The following NDRG1 variants were observed in gnomAD, a reference collection of about 807,000 sequenced individuals.
NDRG1 encodes the protein protein NDRG1.
In NDRG1, 32 loss-of-function variants were observed where a neutral mutation model predicts 56.9. That is an observed-to-expected ratio of 0.56 (90% confidence interval 0.42 to 0.76). The LOEUF (loss-of-function observed/expected upper bound fraction) is 0.76, where lower values mean the gene tolerates loss of function less well. Among genes scored for constraint, NDRG1 ranks in the 30% least tolerant of loss-of-function variants. The pLI, the probability that NDRG1 is intolerant of heterozygous loss-of-function variation, is 0.00. For synonymous variants in NDRG1, 211 were observed against 204.1 expected (o/e 1.03, Z -0.29); for missense variants, 507 against 545.7 (o/e 0.93, Z 0.71).
Position 133,244,393 on chromosome 8 carries a change from A to G in NDRG1, c.856-3T>C. On this transcript the variant is annotated splice_region_variant and splice_polypyrimidine_tract_variant and intron_variant, in intron 13 of 15. Coordinates refer to ENST00000323851, the MANE Select transcript of NDRG1 (RefSeq NM_006096.4). ...GGGAGGCCGCCACAGTCCGCCATCT[A>G]GGAGAGAGGGAAGCTCGTTAGTGCC... is the stretch of plus-strand genomic sequence containing the variant. 1 of 1,614,236 alleles carries G rather than the reference A, an allele frequency of 6.2e-7. No homozygotes were observed.
chr8:133,259,939 G>A (rs1036797959), intron 5 of NDRG1, among the ~76,000 whole-genome samples: 2 of 152,216 alleles, frequency 1.3e-5, no homozygotes, highest in African/African-American at 4.8e-5. Flanking sequence ...TGAGTAAAGC[G>A]TGTGGGCAGG....
intron 2 of NDRG1, among the ~76,000 whole-genome samples, chr8:133,283,283 T>C (rs1209450236): frequency 6.6e-6 from 1 of 152,246 alleles, no homozygotes; most frequent in Admixed American, 6.5e-5. Flanking sequence ...GGTTAGTGCA[T>C]GGTAATTATC....
At chr8:133,294,374 G>C (rs1000541144) in intron 1 of NDRG1, among the ~76,000 whole-genome samples, 3 of 152,200 alleles carry the variant, frequency 2.0e-5, no homozygotes, top group Non-Finnish European at 4.4e-5. Context: ...TGGCTGCTCT[G>C]GAGGGAGAGA....
rs747037312 is a variant in NDRG1 at position 133,250,466 on chromosome 8, C to G, written c.672G>C (p.Leu224=). ...TGTTGTAGGCATTGATGAACAGGTG[C>G]AGGTTGCCGGGGTTCATGTCATTCA... ...HIVNDMNPGN[L]HLFINAYNSR... The change falls in exon 10 of 16, where the codon CTG becomes CTC. Residue 224 remains leucine, a synonymous_variant. Transcript: ENST00000323851. 6.2e-7 allele frequency: 1 copy of G among 1,614,070 alleles called. No individual in the cohort carries two copies. The highest frequency in any genetic ancestry group is 8.5e-7 in the Non-Finnish European group (1 of 1,179,988).
intron 1 of NDRG1, among the ~76,000 whole-genome samples, chr8:133,285,967 C>A (rs190612349): frequency 2.0e-5 from 3 of 152,148 alleles, no homozygotes; most frequent in Non-Finnish European, 4.4e-5. Flanking sequence ...GCCCTGCCAA[C>A]GCCACCCCTC....
rs145871479 is a variant in NDRG1, at chr8:133,284,281, C to T, written c.31G>A (p.Ala11Thr). ...TTCTCCACCAAAGGCTTCACCTCAG[C>T]GAGGTCTACATCCTGCATCTCCCGA... MSREMQDVDL[A>T]EVKPLVEKGE... Residue 11 changes from alanine (A) to threonine (T), a missense_variant, in exon 2 of 16, where the codon GCT (alanine) becomes ACT (threonine). By Grantham distance (58) the Ala-to-Thr change is moderately conservative. Transcript: ENST00000323851. 3,006 of 1,614,144 alleles carry T rather than the reference C, an allele frequency of 1.9e-3. 4 individuals are homozygous for T. Among genetic ancestry groups the T allele is most frequent in the Admixed American group, 2.8e-3 (171 of 60,030 alleles).
chr8:133,244,244 G>GTCATCCGA, intron 14 of NDRG1, 111 bp downstream of exon 14: 1 of 1,343,940 alleles, frequency 7.4e-7, no homozygotes, highest in African/African-American at 1.4e-5. Context: ...TCCACAAACT[G>GTCATCCGA]TCATCCGATG....
intron 12 of NDRG1, among the ~76,000 whole-genome samples, chr8:133,246,924 T>C (rs568754718): frequency 1.3e-5 from 2 of 152,358 alleles, no homozygotes; most frequent in South Asian, 4.1e-4. Flanking sequence ...TAATATCTTT[T>C]TTCAAAAGGT....
Position 133,244,386 on chromosome 8 carries a change from G to A in NDRG1, c.860C>T (p.Ala287Val), listed in dbSNP as rs761760894. Residue 287 changes from alanine to valine, a missense_variant, in exon 14 of 16, where the codon GCG (alanine) becomes GTG (valine). Transcript: ENST00000323851. Reference sequence around the variant, plus strand: ...GATCTGCGGGAGGCCGCCACAGTCCGCCATCTAGGAGAGAGGGAAGCTCGT... The same window carrying A: ...GATCTGCGGGAGGCCGCCACAGTCCACCATCTAGGAGAGAGGGAAGCTCGT... ...DPTKTTLLKM[A>V]DCGGLPQISQ... The A allele has an allele frequency of 5.0e-6, 8 of 1,614,202 alleles. No individual in the cohort carries two copies. The South Asian group carries it at 5.5e-5, about 11-fold the overall frequency.
intron 10 of NDRG1, chr8:133,249,227 T>G: frequency 3.9e-6 from 1 of 253,596 alleles, no homozygotes; most frequent in Non-Finnish European, 7.8e-6. Flanking sequence ...CATCTTTCCA[T>G]TCCCTGTCTC....
intron 1 of NDRG1, among the ~76,000 whole-genome samples, chr8:133,291,103 GC>G (rs771889720): frequency 2.0e-5 from 3 of 152,218 alleles, no homozygotes; most frequent in Non-Finnish European, 4.4e-5. Context: ...CTTCAGTGAA[GC>G]AGATAAAGGG....
At chr8:133,282,690 G>A (rs1857879367) in intron 2 of NDRG1, among the ~76,000 whole-genome samples, 1 of 152,154 alleles carries the variant, frequency 6.6e-6, no homozygotes, top group Non-Finnish European at 1.5e-5. Context: ...AATTTTTGTT[G>A]GAACACATTA....
intron 5 of NDRG1, among the ~76,000 whole-genome samples, chr8:133,260,348 C>T (rs1373352170): frequency 6.6e-6 from 1 of 152,170 alleles, no homozygotes; most frequent in Non-Finnish European, 1.5e-5. Context: ...GCTCCCTCAC[C>T]CCTCCCAAGC....
In NDRG1 at chr8:133,238,384, T is replaced by C. The variant is rs1027947917; in HGVS notation, c.*494A>G. 2.1e-5 allele frequency: 5 copies of C among 239,094 alleles called. No homozygotes were observed. Among genetic ancestry groups the C allele is most frequent in the Non-Finnish European group, 3.3e-5 (4 of 122,352 alleles). The allele number at this position is 239,094 out of a possible 1,614,324, so 14.8% of individuals were successfully genotyped here. A position where few individuals can be genotyped will look rare whatever the true frequency, so the allele number is the denominator to read the frequency against. On this transcript the variant is annotated 3_prime_UTR_variant, in exon 16 of 16. Coordinates refer to ENST00000323851, the MANE Select transcript of NDRG1 (RefSeq NM_006096.4). ...TCCTGTTTTGCCTGTTTAAAAGAGG[T>C]GCCTGCATGTCACTATTACCCCCCT...
chr8:133,244,275 A>C, intron 14 of NDRG1, 80 bp downstream of exon 14: 1 of 1,513,358 alleles, frequency 6.6e-7, no homozygotes, highest in Non-Finnish European at 9.2e-7. Flanking sequence ...GTAATGAGGG[A>C]ACAGGTGTCA....
chr8:133,293,891 T>C (rs1238997484), intron 1 of NDRG1, among the ~76,000 whole-genome samples: 1 of 152,188 alleles, frequency 6.6e-6, no homozygotes, highest in Non-Finnish European at 1.5e-5. Flanking sequence ...AGGTCAAGCA[T>C]TTGCAGGCAC....
At chr8:133,279,514 C>T (rs768373986) in intron 3 of NDRG1, among the ~76,000 whole-genome samples, 4 of 152,216 alleles carry the variant, frequency 2.6e-5, no homozygotes, top group East Asian at 1.9e-4. Flanking sequence ...ACATGGGTAG[C>T]GGTTCAGGTG....
chr8:133,294,679 G>C, intron 1 of NDRG1, among the ~76,000 whole-genome samples: 1 of 151,980 alleles, frequency 6.6e-6, no homozygotes, highest in Non-Finnish European at 1.5e-5. Flanking sequence ...CATGGGGGGG[G>C]GGCAGCCCCA....
intron 13 of NDRG1, among the ~76,000 whole-genome samples, chr8:133,245,459 C>T (rs570832079): frequency 3.5e-4 from 53 of 152,174 alleles, no homozygotes; most frequent in African/African-American, 1.3e-3. Context: ...CTAAAGCTAA[C>T]GGCTGATGTT....
Sources: allele counts gnomAD v4.1 joint callset (sites outside exome capture counted in the v4.1 genomes callset), GRCh38; gene constraint gnomAD v4.1.1; transcripts MANE v1.5; gene names NCBI Gene and HGNC (gene_info 2026-07-23, HGNC 2026-07-21).